Variants in KALRN observed in about 807,000 individuals in gnomAD.
The protein encoded by KALRN is kalirin RhoGEF kinase.
A neutral mutation model predicts 353.7 loss-of-function variants in KALRN; 70 were observed. That is an observed-to-expected ratio of 0.20 (90% CI 0.16 to 0.24). The LOEUF is 0.24. Ranked by LOEUF, KALRN falls within the 10% of genes least tolerant of loss-of-function variation. The pLI is 1.00. For missense variants in KALRN, 2,791 were observed against 3,756.7 expected (o/e 0.74, Z 6.72); for synonymous variants, 1,391 against 1,434.8 (o/e 0.97, Z 0.69).
intron 25 of KALRN, among the ~76,000 whole-genome samples, chr3:124,470,533 TTA>T (rs1012567635): frequency 2.8e-4 from 19 of 66,804 alleles, no homozygotes; most frequent in Admixed American, 1.1e-3. Flanking sequence ...AATAGGTTTT[TTA>T]AAAAAAAAAA....
chr3:124,176,840 A>G (rs951016373), intron 1 of KALRN, among the ~76,000 whole-genome samples: 8 of 152,166 alleles, frequency 5.3e-5, no homozygotes, highest in African/African-American at 1.9e-4. Flanking sequence ...AGGCATCCTT[A>G]GGTCTTGGCT....
chr3:124,640,869 G>A (rs1392910), intron 37 of KALRN, among the ~76,000 whole-genome samples: 36,065 of 152,096 alleles, frequency 0.24, 4,598 homozygotes, highest in East Asian at 0.47. Context: ...TTCCATATGA[G>A]GAAGAACTAA....
chr3:124,120,711 A>ATATATATATATATATATATATATATAT (rs2063898907), intron 1 of KALRN, among the ~76,000 whole-genome samples: 2 of 98,944 alleles, frequency 2.0e-5, no homozygotes, highest in African/African-American at 8.5e-5. Context: ...GAATACTAAA[A>ATATATATATATATATATATATATATAT]ATATATATAT....
intron 47 of KALRN, among the ~76,000 whole-genome samples, chr3:124,671,060 C>G (rs2086368815): frequency 6.6e-6 from 1 of 152,210 alleles, no homozygotes; most frequent in Non-Finnish European, 1.5e-5. Context: ...CTGAATTAGA[C>G]AAGAAGCCTT....
intron 1 of KALRN, among the ~76,000 whole-genome samples, chr3:124,125,366 C>T (rs922162908): frequency 4.6e-5 from 7 of 152,212 alleles, no homozygotes; most frequent in African/African-American, 1.7e-4. Flanking sequence ...ATCATGAGAA[C>T]AGACAACTAC....
At chr3:124,170,477 G>T (rs2071592418) in intron 1 of KALRN, among the ~76,000 whole-genome samples, 1 of 152,172 alleles carries the variant, frequency 6.6e-6, no homozygotes, top group South Asian at 2.1e-4. Flanking sequence ...ATTGGGATTA[G>T]AACCCCAGAC....
chr3:124,562,875 C>T lies in KALRN; in HGVS notation c.4968C>T (p.Leu1656=). The T allele has an allele frequency of 1.5e-6, 2 of 1,367,232 alleles. No homozygotes were observed. Among genetic ancestry groups the T allele is most frequent in the Non-Finnish European group, 2.0e-6 (2 of 1,021,794 alleles). 84.7% of individuals were successfully genotyped at this position (1,367,232 alleles called of 1,614,324 possible). ...LSGGCELTVV[L]QDFSAGHSSE... ...GTGGATGTGAGCTGACAGTGGTCCT[C>T]CAGGACTTCAGTGCGGGCCACAGCA... The change falls in exon 34 of 60, where the codon CTC becomes CTT. Residue 1656 remains leucine (L), a synonymous_variant. Coordinates refer to ENST00000682506, the MANE Select transcript of KALRN (RefSeq NM_001388419.1).
intron 5 of KALRN, among the ~76,000 whole-genome samples, chr3:124,290,990 C>A (rs1286300636): frequency 2.6e-5 from 4 of 152,164 alleles, no homozygotes; most frequent in Admixed American, 2.6e-4. Context: ...ACCAGGGAGT[C>A]TTCTTAGGTC....
intron 6 of KALRN, among the ~76,000 whole-genome samples, chr3:124,308,874 G>C (rs183274937): frequency 6.6e-6 from 1 of 151,932 alleles, no homozygotes; most frequent in Non-Finnish European, 1.5e-5. Context: ...GAAACCAAAA[G>C]CTGGTTTATT....
intron 1 of KALRN, among the ~76,000 whole-genome samples, chr3:124,087,349 G>A (rs1272850570): frequency 3.3e-5 from 5 of 152,148 alleles, no homozygotes; most frequent in African/African-American, 1.2e-4. Context: ...AAGCAAGCAT[G>A]TTAATTAGGC....
chr3:124,506,146 G>T (rs485887), intron 33 of KALRN, among the ~76,000 whole-genome samples: 1 of 152,126 alleles, frequency 6.6e-6, no homozygotes, highest in African/African-American at 2.4e-5. Flanking sequence ...TTCCAGGAGT[G>T]GTCAGTAGTA....
intron 51 of KALRN, among the ~76,000 whole-genome samples, chr3:124,692,811 A>G (rs1411199612): frequency 2.6e-5 from 4 of 152,230 alleles, no homozygotes; most frequent in African/African-American, 9.6e-5. Flanking sequence ...TTAACATACA[A>G]TCACATTAAA....
intron 33 of KALRN, among the ~76,000 whole-genome samples, chr3:124,559,664 T>C (rs2071701691): frequency 6.6e-6 from 1 of 152,196 alleles, no homozygotes. Flanking sequence ...TGAGTAGGAA[T>C]AACTTTGGTC....
intron 9 of KALRN, 101 bp from the exon 10 acceptor site, chr3:124,347,042 A>G: frequency 6.5e-7 from 1 of 1,544,034 alleles, no homozygotes; most frequent in Non-Finnish European, 8.8e-7. Context: ...TACAACTGGG[A>G]TGGGATATAG....
At chr3:124,395,087 TG>T in intron 11 of KALRN, 47 bp from the exon 12 acceptor site, 1 of 1,521,548 alleles carries the variant, frequency 6.6e-7, no homozygotes, top group Non-Finnish European at 9.1e-7. Context: ...ACCCCAGCCC[TG>T]GCCTCTCCCA....
At chr3:124,276,940 C>A (rs1278748682) in intron 5 of KALRN, among the ~76,000 whole-genome samples, 1 of 152,228 alleles carries the variant, frequency 6.6e-6, no homozygotes, top group East Asian at 1.9e-4. Context: ...AACACACGCA[C>A]GCACACATGT....
At chr3:124,536,138 A>G (rs781227888) in intron 33 of KALRN, among the ~76,000 whole-genome samples, 2 of 151,932 alleles carry the variant, frequency 1.3e-5, no homozygotes, top group African/African-American at 2.4e-5. Context: ...CTTCGTTACT[A>G]AGAAGTAAGG....
At chr3:124,233,872 G>C (rs1287848739) in intron 2 of KALRN, among the ~76,000 whole-genome samples, 2 of 152,158 alleles carry the variant, frequency 1.3e-5, no homozygotes, top group Non-Finnish European at 2.9e-5. Flanking sequence ...GGTTTTCTTT[G>C]TGTAATGGCC....
At chr3:124,365,781 G>T (rs2084610314) in intron 10 of KALRN, among the ~76,000 whole-genome samples, 1 of 152,222 alleles carries the variant, frequency 6.6e-6, no homozygotes, top group Non-Finnish European at 1.5e-5. Flanking sequence ...CTGTGCTGCT[G>T]TTAGTTCTAT....
Sources: gnomAD v4.1 joint callset for allele counts (sites outside exome capture counted in the v4.1 genomes callset) on GRCh38, gnomAD v4.1.1 for gene constraint, MANE v1.5 for transcripts, NCBI Gene and HGNC (gene_info 2026-07-23, HGNC 2026-07-21) for gene names.